TBC1D4: variants seen among roughly 807,000 people sequenced by gnomAD.
The protein encoded by TBC1D4 is TBC (Tre-2, BUB2, CDC16) domain-containing protein.
TBC1D4 carries 121 observed loss-of-function variants against 142.5 expected under a neutral mutation model. The ratio of observed to expected loss-of-function variants is 0.85; its 90% CI spans 0.73 to 0.99. The LOEUF (loss-of-function observed/expected upper bound fraction) is 0.99, where lower values mean the gene tolerates loss of function less well. Among genes scored for constraint, TBC1D4 ranks in the 50% least tolerant of loss-of-function variants. The pLI is 0.00. For synonymous variants in TBC1D4, 630 were observed against 628.2 expected, an observed-to-expected ratio of 1.00 and a Z score of -0.04; for missense variants, 1,475 against 1,606.6, an observed-to-expected ratio of 0.92 and a Z score of 1.40.
chr13:75,314,832 A>G (rs1878137735), intron 12 of TBC1D4, among the ~76,000 whole-genome samples: 1 of 148,122 alleles, frequency 6.8e-6, no homozygotes, highest in African/African-American at 2.5e-5. Context: ...AAAAAAAATT[A>G]GCTGGGCATT....
At chr13:75,371,622 T>C (rs1327865175) in intron 1 of TBC1D4, among the ~76,000 whole-genome samples, 1 of 152,172 alleles carries the variant, frequency 6.6e-6, no homozygotes, top group Non-Finnish European at 1.5e-5. Context: ...AGTTGTGAGG[T>C]GAAGACATCT....
chr13:75,410,317 T>A lies in TBC1D4; in HGVS notation c.499-47710A>T, dbSNP rs184250615. On this transcript the variant is annotated intron_variant, in intron 1 of 20. Coordinates refer to ENST00000377636, the MANE Select transcript of TBC1D4 (RefSeq NM_014832.5). Reference sequence around the variant, plus strand: ...CCCAAGCCCATCTCCACACACACAGTAATCCAGGTGCGGACACAGCACAGC... The same window carrying A: ...CCCAAGCCCATCTCCACACACACAGAAATCCAGGTGCGGACACAGCACAGC... 1.7e-4 allele frequency among the ~76,000 whole-genome samples: 26 copies of A among 152,304 alleles called. No homozygotes were observed. In the East Asian group the frequency reaches 4.8e-3, roughly 28 times the overall value.
At chr13:75,329,141 C>G (rs147650133) in intron 8 of TBC1D4, among the ~76,000 whole-genome samples, 130 of 152,116 alleles carry the variant, frequency 8.5e-4, no homozygotes, top group African/African-American at 3.0e-3. Context: ...TTCTTCCCCT[C>G]TTCCTTCAAT....
chr13:75,426,050 C>CA (rs1393025517), intron 1 of TBC1D4, among the ~76,000 whole-genome samples: 1 of 152,062 alleles, frequency 6.6e-6, no homozygotes, highest in East Asian at 1.9e-4. Context: ...ATATGGGTAT[C>CA]AAAACATCAT....
intron 1 of TBC1D4, among the ~76,000 whole-genome samples, chr13:75,466,802 C>T (rs865780858): frequency 1.8e-4 from 28 of 151,692 alleles, no homozygotes; most frequent in Admixed American, 1.1e-3. Context: ...GCCAGGGAGT[C>T]GGAGGTTGCA....
chr13:75,326,241 A>G lies in TBC1D4; in HGVS notation c.1989T>C (p.Gly663=). The G allele has an allele frequency of 1.9e-6, 3 of 1,614,058 alleles. No individual in the cohort carries two copies. Among genetic ancestry groups the G allele is most frequent in the Non-Finnish European group, 2.5e-6 (3 of 1,180,012 alleles). Residue 663 remains glycine (G), a synonymous_variant, in exon 10 of 21, where the codon GGT becomes GGC. Coordinates refer to ENST00000377636, the MANE Select transcript of TBC1D4 (RefSeq NM_014832.5). The part of the protein sequence containing the change: ...KLNLQDGRAQ[G]VRSPLLRQSS... ...TCTGCCTCAGCAGAGGGGAACGCAC[A>G]CCCTGAGCCCTCCCATCCTGCAAAT...
intron 19 of TBC1D4, among the ~76,000 whole-genome samples, chr13:75,291,247 C>G (rs1875269911): frequency 6.6e-6 from 1 of 152,260 alleles, no homozygotes; most frequent in Non-Finnish European, 1.5e-5. Flanking sequence ...AGCACAAGAT[C>G]AGAAGGGGCA....
Position 75,349,276 on chromosome 13 carries a change from T to C in TBC1D4, c.1302A>G (p.Lys434=), listed in dbSNP as rs199985444. 133 of 1,613,834 alleles carry C rather than the reference T, an allele frequency of 8.2e-5. No homozygotes were observed. Among genetic ancestry groups the C allele is most frequent in the Non-Finnish European group, 1.8e-5 (21 of 1,179,918 alleles). ...GGGCAGCCGCCGTACTGAAGGCCTG[T>C]TTCAGAGTCAGCATTACCTCATCAA... ...SLVDEVMLTL[K]QAFSTAAALQ... The change falls in exon 5 of 21, where the codon AAA becomes AAG. Residue 434 remains lysine (K), a synonymous_variant. Coordinates refer to ENST00000377636, the MANE Select transcript of TBC1D4 (RefSeq NM_014832.5).
At chr13:75,414,780 C>T (rs1052654462) in intron 1 of TBC1D4, among the ~76,000 whole-genome samples, 1 of 152,020 alleles carries the variant, frequency 6.6e-6, no homozygotes, top group East Asian at 1.9e-4. Context: ...CATAGAAAGG[C>T]CATTCAAAGT....
chr13:75,366,876 G>A (rs977745629), intron 1 of TBC1D4: 13 of 879,094 alleles, frequency 1.5e-5, no homozygotes, highest in Non-Finnish European at 1.5e-5. Context: ...AAACACAGGA[G>A]AAAATCTGGA....
At chr13:75,426,840 G>C (rs561892690) in intron 1 of TBC1D4, among the ~76,000 whole-genome samples, 55 of 150,704 alleles carry the variant, frequency 3.6e-4, no homozygotes, top group African/African-American at 1.3e-3. Flanking sequence ...CCAGGAGTTT[G>C]AGATCAGCCC....
Position 75,362,171 on chromosome 13 carries a change from A to C in TBC1D4, c.935T>G (p.Phe312Cys). ...EDSGFDEQQE[F>C]RSRCSSVTGV... The stretch of plus-strand genomic sequence containing the variant: ...GGTGACACTGCTGCACCGAGACCGA[A>C]ACTCCTGCTGCTCATCAAAGCCAGA... Residue 312 changes from phenylalanine to cysteine, a missense_variant, in exon 2 of 21, where the codon TTT (phenylalanine) becomes TGT (cysteine). Transcript: ENST00000377636. This position sits in a 1 kb window ranked among gnomAD's most constrained non-coding sequence, Gnocchi z 4.2. The C allele has an allele frequency of 6.2e-7, 1 of 1,613,434 alleles. No homozygotes were observed. Among genetic ancestry groups the C allele is most frequent in the Non-Finnish European group, 8.5e-7 (1 of 1,179,972 alleles).
rs71201178 is a variant in TBC1D4 at position 75,400,633 on chromosome 13, A to ATTTTT, written c.499-38031_499-38027dup. Among the ~76,000 whole-genome samples, 651 of 141,280 alleles carry ATTTTT rather than the reference A, an allele frequency of 4.6e-3. 12 individuals carry two copies. The highest frequency in any genetic ancestry group is 0.016 in the African/African-American group (623 of 38,238). The allele number at this position is 141,280 out of a possible 152,430, so 92.7% of individuals were successfully genotyped here. On this transcript the variant is annotated intron_variant, in intron 1 of 20. Coordinates refer to ENST00000377636, the MANE Select transcript of TBC1D4 (RefSeq NM_014832.5). ...CCACCATGCCCAGCTAATTTTTTGT[A>ATTTTT]TTTTTTTTTTTTTAGTAGAGACAGG...
At position 75,422,867 on chromosome 13, in the gene TBC1D4, G is replaced by A. The variant is rs138140543; in HGVS notation, c.498+58403C>T. ...TTCAATCAAGTATTCAGCTACTCTC[G>A]GTTTTTAAAAATGGATTTTTGCCCT... On this transcript the variant is annotated intron_variant, in intron 1 of 20. Coordinates refer to ENST00000377636, the MANE Select transcript of TBC1D4 (RefSeq NM_014832.5). Among the ~76,000 whole-genome samples the A allele has an allele frequency of 1.5e-4, 23 of 152,118 alleles. No individual in the cohort carries two copies. The East Asian group carries it at 3.1e-3, about 20-fold the overall frequency.
intron 1 of TBC1D4, among the ~76,000 whole-genome samples, chr13:75,390,979 T>C (rs971666072): frequency 6.6e-6 from 1 of 151,326 alleles, no homozygotes; most frequent in African/African-American, 2.4e-5. Flanking sequence ...ACACTATGCC[T>C]TCTTTCCTGA....
intron 1 of TBC1D4, among the ~76,000 whole-genome samples, chr13:75,467,697 CT>C (rs891885707): frequency 5.9e-5 from 9 of 152,114 alleles, no homozygotes; most frequent in Non-Finnish European, 1.3e-4. Context: ...GTAGTTTTTT[CT>C]TTAAAGTAGA....
chr13:75,356,436 GT>G (rs2138146514), intron 3 of TBC1D4, among the ~76,000 whole-genome samples, 185 bp from the exon 4 acceptor site: 1 of 152,248 alleles, frequency 6.6e-6, no homozygotes, highest in South Asian at 2.1e-4. Context: ...AAAATAAAAG[GT>G]GAGACCAACT....
At chr13:75,328,042 T>C (rs1278111402) in intron 8 of TBC1D4, among the ~76,000 whole-genome samples, 3 of 152,202 alleles carry the variant, frequency 2.0e-5, no homozygotes, top group Non-Finnish European at 4.4e-5. Context: ...GTTAGATAAC[T>C]AGATACTCAG....
At chr13:75,342,061 G>T (rs1295909227) in intron 5 of TBC1D4, among the ~76,000 whole-genome samples, 1 of 152,156 alleles carries the variant, frequency 6.6e-6, no homozygotes, top group African/African-American at 2.4e-5. Context: ...AGCCAGCCAT[G>T]GTGGCGGGGG....
Sources: allele counts gnomAD v4.1 joint callset (sites outside exome capture counted in the v4.1 genomes callset), GRCh38; gene constraint gnomAD v4.1.1; non-coding constraint Gnocchi (gnomAD v3.1); transcripts MANE v1.5; gene names NCBI Gene and HGNC (gene_info 2026-07-23, HGNC 2026-07-21).